Variants in DHX40 observed in about 807,000 individuals in gnomAD.
DHX40 encodes probable ATP-dependent RNA helicase DHX40.
In DHX40, 28 loss-of-function variants were observed where a neutral mutation model predicts 89.6. That is an observed-to-expected ratio of 0.31 (90% CI 0.23 to 0.43). The LOEUF (loss-of-function observed/expected upper bound fraction) is 0.43. Among genes scored for constraint, DHX40 ranks in the 20% least tolerant of loss-of-function variants. The probability of loss-of-function intolerance (pLI) is 1.00; values close to 1 mark genes in which losing one functional copy is unlikely to be tolerated. For missense variants in DHX40, 457 were observed against 844.0 expected, an observed-to-expected ratio of 0.54 and a Z score of 5.68; for synonymous variants, 226 against 283.6, an observed-to-expected ratio of 0.80 and a Z score of 2.04.
At chr17:59,571,419 T>C (rs935054249) in intron 3 of DHX40, among the ~76,000 whole-genome samples, 6 of 146,854 alleles carry the variant, frequency 4.1e-5, no homozygotes, top group Non-Finnish European at 8.9e-5. Flanking sequence ...ATCGCGCCAC[T>C]GCACTCCAGC....
chr17:59,567,183 A>G (rs956110265), intron 2 of DHX40, among the ~76,000 whole-genome samples: 1 of 152,144 alleles, frequency 6.6e-6, no homozygotes, highest in Non-Finnish European at 1.5e-5. Flanking sequence ...TATCAGGTAA[A>G]TATTTATCCC....
intron 8 of DHX40, among the ~76,000 whole-genome samples, chr17:59,577,752 T>C (rs1290992527): frequency 3.9e-5 from 6 of 152,200 alleles, no homozygotes; most frequent in African/African-American, 1.4e-4. Flanking sequence ...CGTACTTGGC[T>C]GTTCACACTT....
intron 7 of DHX40, among the ~76,000 whole-genome samples, chr17:59,575,896 G>GTT (rs201574680): frequency 0.1 from 15,484 of 147,726 alleles, 773 homozygotes; most frequent in Middle Eastern, 0.19. Context: ...GGATTGTTTT[G>GTT]TTTTTTTTTT....
At chr17:59,583,487 T>C (rs1349467339) in intron 10 of DHX40, among the ~76,000 whole-genome samples, 45 of 110,580 alleles carry the variant, frequency 4.1e-4, no homozygotes, top group African/African-American at 1.1e-3. Context: ...TCTTATATCC[T>C]GTGTTTGGGA....
chr17:59,580,989 C>T (rs1295123910), intron 10 of DHX40, among the ~76,000 whole-genome samples: 2 of 149,782 alleles, frequency 1.3e-5, no homozygotes, highest in Non-Finnish European at 3.0e-5. Flanking sequence ...GGCTGAAGCA[C>T]GAGAATCACT....
intron 5 of DHX40, 41 bp downstream of exon 5, chr17:59,574,008 A>G (rs1243567243): frequency 3.5e-6 from 4 of 1,135,012 alleles, no homozygotes; most frequent in South Asian, 3.2e-5. Flanking sequence ...TTAAATATCT[A>G]TGATTCTTAC....
intron 2 of DHX40, among the ~76,000 whole-genome samples, chr17:59,570,225 TA>T (rs565424528): frequency 2.5e-3 from 320 of 126,062 alleles, no homozygotes; most frequent in African/African-American, 9.5e-3. Flanking sequence ...ATATTAAATA[TA>T]TATTAGTATA....
rs1445655506 is a variant in DHX40, at chr17:59,566,714, G to A, written c.200G>A (p.Arg67Lys). 1.2e-6 allele frequency: 2 copies of A among 1,604,824 alleles called. No individual in the cohort carries two copies. The highest frequency in any genetic ancestry group is 1.1e-5 in the South Asian group (1 of 89,088). Residue 67 changes from arginine (R) to lysine (K), a missense_variant, in exon 2 of 18, where the codon AGG becomes AAG. Coordinates refer to ENST00000251241, the MANE Select transcript of DHX40 (RefSeq NM_024612.5). Reference sequence around the variant, plus strand: ...AGAAAAAAGATTATTCAAGCTGTGAGGGACAATTCATTCCTTATTGTTACT... The same window carrying A: ...AGAAAAAAGATTATTCAAGCTGTGAAGGACAATTCATTCCTTATTGTTACT... ...KQRKKIIQAV[R>K]DNSFLIVTGN... is the part of the protein sequence containing the mutation.
intron 14 of DHX40, among the ~76,000 whole-genome samples, chr17:59,600,335 A>AG (rs1326920335): frequency 4.4e-5 from 6 of 136,396 alleles, no homozygotes; most frequent in African/African-American, 1.9e-4. Context: ...CTGATGAGAG[A>AG]AAAAAAAAAA....
chr17:59,568,241 AAAAAT>A (rs991287568), intron 2 of DHX40, among the ~76,000 whole-genome samples: 14 of 151,404 alleles, frequency 9.2e-5, no homozygotes, highest in African/African-American at 2.2e-4. Flanking sequence ...AAAAATAAAT[AAAAAT>A]AAAATAAATT....
At chr17:59,603,278 G>A (rs1183621444) in intron 15 of DHX40, 2 of 152,154 alleles carry the variant, frequency 1.3e-5, no homozygotes, top group Non-Finnish European at 2.9e-5. Context: ...AGATGTTAGT[G>A]TGTGTATATA....
At chr17:59,601,566 T>G (rs1013834406) in intron 14 of DHX40, among the ~76,000 whole-genome samples, 8 of 152,182 alleles carry the variant, frequency 5.3e-5, no homozygotes, top group African/African-American at 1.9e-4. Flanking sequence ...GGTCTCTACT[T>G]TTTGAACATA....
At chr17:59,573,559 C>T (rs1316658452) in intron 4 of DHX40, among the ~76,000 whole-genome samples, 181 bp from the exon 5 acceptor site, 3 of 152,268 alleles carry the variant, frequency 2.0e-5, no homozygotes, top group Non-Finnish European at 2.9e-5. Context: ...GTCTCGACCT[C>T]CTGGCCTCCG....
chr17:59,572,185 C>T (rs921351308), intron 3 of DHX40, among the ~76,000 whole-genome samples: 9 of 152,138 alleles, frequency 5.9e-5, no homozygotes, highest in Non-Finnish European at 1.3e-4. Flanking sequence ...AGCTACAAAA[C>T]GATCCCTGGT....
chr17:59,588,232 A>AAC (rs2049028445), intron 12 of DHX40, among the ~76,000 whole-genome samples, 179 bp downstream of exon 12: 1 of 148,088 alleles, frequency 6.8e-6, no homozygotes. Flanking sequence ...AAAAAAAAAA[A>AAC]AAAAAAAAAC....
intron 12 of DHX40, among the ~76,000 whole-genome samples, chr17:59,590,662 G>C (rs937896106): frequency 6.6e-6 from 1 of 151,498 alleles, no homozygotes; most frequent in African/African-American, 2.4e-5. Context: ...TACAGATGGG[G>C]TTTCACTCTG....
chr17:59,586,086 A>G (rs2048991602), intron 10 of DHX40, 67 bp from the exon 11 acceptor site: 3 of 1,165,492 alleles, frequency 2.6e-6, no homozygotes, highest in Non-Finnish European at 3.6e-6. Context: ...AATTTTCGTC[A>G]TGTCTATATA....
At chr17:59,597,665 G>A (rs565604372) in intron 12 of DHX40, among the ~76,000 whole-genome samples, 8 of 151,576 alleles carry the variant, frequency 5.3e-5, no homozygotes, top group South Asian at 4.2e-4. Flanking sequence ...GGCCGGGCAC[G>A]GTGGCTTATG....
chr17:59,578,163 C>G (rs1299916149), intron 8 of DHX40, among the ~76,000 whole-genome samples: 1 of 148,634 alleles, frequency 6.7e-6, no homozygotes, highest in Non-Finnish European at 1.5e-5. Context: ...TATTTTATTT[C>G]TTTAGCTAAG....
Sources: allele counts gnomAD v4.1 joint callset (sites outside exome capture counted in the v4.1 genomes callset), GRCh38; gene constraint gnomAD v4.1.1; transcripts MANE v1.5; gene names NCBI Gene and HGNC (gene_info 2026-07-23, HGNC 2026-07-21).